Variants in COL27A1 observed in about 807,000 individuals in gnomAD.
COL27A1 encodes the protein collagen alpha-1(XXVII) chain.
A neutral mutation model predicts 251.3 loss-of-function variants in COL27A1; 106 were observed. The ratio of observed to expected loss-of-function variants is 0.42; its 90% CI spans 0.36 to 0.50. COL27A1 has a LOEUF of 0.50. Ranked by LOEUF, COL27A1 falls within the 20% of genes least tolerant of loss-of-function variation. COL27A1 has a pLI of 0.00. For synonymous variants in COL27A1, 1,000 were observed against 986.3 expected, an observed-to-expected ratio of 1.01 and a Z score of -0.26; for missense variants, 2,325 against 2,522.8, an observed-to-expected ratio of 0.92 and a Z score of 1.68.
intron 12 of COL27A1, among the ~76,000 whole-genome samples, chr9:114,211,927 T>A (rs990249587): frequency 3.5e-4 from 53 of 152,160 alleles, no homozygotes; most frequent in African/African-American, 1.2e-3. Context: ...TCAGACCAAG[T>A]CTGGGCCTCC....
chr9:114,178,777 TTCC>T (rs1268173929), intron 4 of COL27A1, among the ~76,000 whole-genome samples: 2 of 152,018 alleles, frequency 1.3e-5, no homozygotes, highest in Non-Finnish European at 1.5e-5. Context: ...AGGAGTTGAG[TTCC>T]TCCTGCTGGA....
chr9:114,178,330 G>T lies in COL27A1; in HGVS notation c.1948G>T (p.Ala650Ser), dbSNP rs750259036. The T allele has an allele frequency of 1.8e-5, 29 of 1,613,910 alleles. No homozygotes were observed. Among genetic ancestry groups the T allele is most frequent in the Admixed American group, 1.0e-4 (6 of 60,002 alleles). ...ACCTGGGCTACCTGGAATCCCTGGT[G>T]CACGTGGGCCTCGGGTGAGTTATCT... Reference protein sequence around the residue: ...GLPGLPGIPGARGPRGPPGPY... With the variant: ...GLPGLPGIPGSRGPRGPPGPY... Residue 650 changes from alanine (A) to serine (S), a missense_variant, in exon 4 of 61, where the codon GCA becomes TCA. Ala to Ser is a moderately conservative substitution (Grantham distance 99). Coordinates refer to ENST00000356083, the MANE Select transcript of COL27A1 (RefSeq NM_032888.4).
intron 59 of COL27A1, among the ~76,000 whole-genome samples, chr9:114,308,941 C>T (rs1829251637): frequency 6.6e-6 from 1 of 152,190 alleles, no homozygotes; most frequent in Non-Finnish European, 1.5e-5. Flanking sequence ...CCCTCTCCCT[C>T]GCTGAGCTCC....
chr9:114,178,385 C>G (rs777242533), intron 4 of COL27A1, 41 bp downstream of exon 4: 1 of 1,586,880 alleles, frequency 6.3e-7, no homozygotes, highest in Non-Finnish European at 8.7e-7. Context: ...CTTGGTGGCT[C>G]TTTGGCCTGC....
chr9:114,264,806 G>A (rs1032035784), intron 29 of COL27A1, 118 bp from the exon 30 acceptor site: 235 of 1,078,854 alleles, frequency 2.2e-4, no homozygotes, highest in Middle Eastern at 3.2e-4. Context: ...CCATGGAAAG[G>A]GGGCAGACTC....
chr9:114,301,734 T>C lies in COL27A1; in HGVS notation c.4845+17T>C, dbSNP rs1828655186. ...GGCCCCCCGGTAGGTAACTGAGTGC[T>C]GGGTGCATCTTGGACTCCTGGGGGG... On this transcript the variant is annotated intron_variant, in intron 55 of 60. Coordinates refer to ENST00000356083, the MANE Select transcript of COL27A1 (RefSeq NM_032888.4). The C allele has an allele frequency of 1.9e-6, 3 of 1,611,444 alleles. No homozygotes were observed. The African/African-American group carries it at 4.0e-5, about 22-fold the overall frequency.
chr9:114,275,514 C>T, intron 36 of COL27A1, 147 bp from the exon 37 acceptor site: 1 of 583,624 alleles, frequency 1.7e-6, no homozygotes, highest in Non-Finnish European at 3.0e-6. Context: ...AGCACCCTGC[C>T]TTTTTGGCTG....
In COL27A1 at chr9:114,301,470, G is replaced by C. The variant is rs1311537627; in HGVS notation, c.4809+8G>C. 1 of 1,609,786 alleles carries C rather than the reference G, an allele frequency of 6.2e-7. No homozygotes were observed. On this transcript the variant is annotated splice_region_variant and intron_variant, in intron 54 of 60. Coordinates refer to ENST00000356083, the MANE Select transcript of COL27A1 (RefSeq NM_032888.4). ...GGATTGCAAGGTCCGAGGGTGAGTG[G>C]GCTGGGCATGAGGGCTGTGGGGCGG...
intron 1 of COL27A1, among the ~76,000 whole-genome samples, chr9:114,157,135 C>T (rs1222929111): frequency 1.3e-5 from 2 of 150,226 alleles, no homozygotes; most frequent in Non-Finnish European, 3.0e-5. Context: ...GAGCACACTG[C>T]TGACTCATTT....
At chr9:114,174,125 G>C (rs915247805) in intron 3 of COL27A1, among the ~76,000 whole-genome samples, 1 of 152,058 alleles carries the variant, frequency 6.6e-6, no homozygotes, top group African/African-American at 2.4e-5. Context: ...TTACAGGCAT[G>C]TGCCACCATG....
At chr9:114,287,195 G>A (rs970708433) in intron 41 of COL27A1, among the ~76,000 whole-genome samples, 6 of 152,262 alleles carry the variant, frequency 3.9e-5, no homozygotes, top group African/African-American at 1.4e-4. Context: ...ATCACCACCA[G>A]CCTTTAGAAC....
intron 3 of COL27A1, 109 bp from the exon 4 acceptor site, chr9:114,178,182 C>T (rs902816326): frequency 2.1e-5 from 19 of 909,788 alleles, no homozygotes; most frequent in Non-Finnish European, 3.1e-5. Context: ...CTCTTAGCCG[C>T]GGACTATCCA....
chr9:114,289,194 G>T (rs375780758), intron 44 of COL27A1, 48 bp from the exon 45 acceptor site: 59 of 840,776 alleles, frequency 7.0e-5, no homozygotes, highest in Non-Finnish European at 9.1e-5. Context: ...CACCCTCCCC[G>T]GGAGAGAATC....
chr9:114,195,921 C>T (rs543920921), intron 6 of COL27A1, 38 bp from the exon 7 acceptor site: 18 of 1,513,296 alleles, frequency 1.2e-5, no homozygotes, highest in African/African-American at 2.7e-5. Flanking sequence ...TCTCTGCTCC[C>T]GTTTTCCTGC....
intron 56 of COL27A1, among the ~76,000 whole-genome samples, chr9:114,302,926 G>A (rs898464014): frequency 4.6e-5 from 7 of 151,908 alleles, no homozygotes; most frequent in Non-Finnish European, 7.4e-5. Context: ...GCACAGCCTC[G>A]AGGAAAGACT....
intron 7 of COL27A1, among the ~76,000 whole-genome samples, chr9:114,201,149 A>T (rs1009028404): frequency 6.6e-6 from 1 of 152,192 alleles, no homozygotes; most frequent in Non-Finnish European, 1.5e-5. Context: ...TTATAAACAC[A>T]GGTTCTGTGG....
At chr9:114,178,428 T>C in intron 4 of COL27A1, 84 bp downstream of exon 4, 1 of 1,281,690 alleles carries the variant, frequency 7.8e-7, no homozygotes, top group Non-Finnish European at 1.1e-6. Context: ...GGGTTTGCTG[T>C]GTGTCCTCAG....
At chr9:114,207,531 C>T (rs988408580) in intron 10 of COL27A1, among the ~76,000 whole-genome samples, 1 of 152,186 alleles carries the variant, frequency 6.6e-6, no homozygotes, top group African/African-American at 2.4e-5. Flanking sequence ...TGGGGTTGCT[C>T]GACTTGCCTG....
At chr9:114,189,545 G>C (rs1475409562) in intron 5 of COL27A1, among the ~76,000 whole-genome samples, 1 of 151,926 alleles carries the variant, frequency 6.6e-6, no homozygotes, top group African/African-American at 2.4e-5. Context: ...ATTTTTACTG[G>C]AATTGTAATT....
Sources: allele counts gnomAD v4.1 joint callset (sites outside exome capture counted in the v4.1 genomes callset), GRCh38; gene constraint gnomAD v4.1.1; transcripts MANE v1.5; gene names NCBI Gene and HGNC (gene_info 2026-07-23, HGNC 2026-07-21).